The following TRIP12 variants were observed in gnomAD, a reference collection of about 807,000 sequenced individuals.
TRIP12 encodes E3 ubiquitin-protein ligase TRIP12.
In TRIP12, 25 loss-of-function variants were observed where a neutral mutation model predicts 244.2. The ratio of observed to expected loss-of-function variants is 0.10; its 90% CI spans 0.07 to 0.14. TRIP12 has a LOEUF of 0.14. TRIP12 is among the 10% of genes least tolerant of loss of function. TRIP12 has a pLI of 1.00. For missense variants in TRIP12, 1,677 were observed against 2,486.4 expected, an observed-to-expected ratio of 0.67 and a Z score of 6.92; for synonymous variants, 905 against 873.1, an observed-to-expected ratio of 1.04 and a Z score of -0.64.
Position 229,798,870 on chromosome 2 carries a change from T to C in TRIP12, c.3482+5A>G. ...AGAAGAAACATAAAACTCCCCCCAC[T>C]TCACCTATTATTGGAGATGGTATCC... On this transcript the variant is annotated splice_donor_5th_base_variant and intron_variant, in intron 23 of 41. Transcript: ENST00000675903. The C allele has an allele frequency of 6.2e-7, 1 of 1,611,496 alleles. No homozygotes were observed. Among genetic ancestry groups the C allele is most frequent in the Non-Finnish European group, 8.5e-7 (1 of 1,179,300 alleles).
chr2:229,834,349 CATT>C (rs2054208218), intron 6 of TRIP12, among the ~76,000 whole-genome samples: 1 of 152,212 alleles, frequency 6.6e-6, no homozygotes, highest in African/African-American at 2.4e-5. Context: ...ATGAAGCTGA[CATT>C]ATTTTACAAG....
At chr2:229,915,707 A>T (rs202049888) in intron 1 of TRIP12, among the ~76,000 whole-genome samples, 3,057 of 121,400 alleles carry the variant, frequency 0.025, 53 homozygotes, top group African/African-American at 0.065. Context: ...AAAAAAAAAA[A>T]TTTTTTGAGA....
rs113863797 is a variant in TRIP12 at position 229,769,834 on chromosome 2, T to C, written c.5809-509A>G. 3.0e-4 allele frequency among the ~76,000 whole-genome samples: 46 copies of C among 152,312 alleles called. 1 individual carries two copies. The highest frequency in any genetic ancestry group is 1.0e-3 in the African/African-American group (42 of 41,566). On this transcript the variant is annotated intron_variant, in intron 39 of 41. Transcript: ENST00000675903. ...TGTAGAGAGGCATGTCTACGCTACA[T>C]GGTTGGTTGTATGGGGACCAACCCA... is the stretch of plus-strand genomic sequence containing the variant.
chr2:229,836,864 A>G lies in TRIP12; in HGVS notation c.1254T>C (p.Ala418=). ...VNSSAARTDE[A]PQGAAASSSV... ...CCAATCTACCTGCAGCTCCTTGGGG[A>G]GCTTCATCTGTCCGAGCAGCTGAAG... Residue 418 remains alanine, a synonymous_variant, in exon 6 of 42, where the codon GCT becomes GCC. Transcript: ENST00000675903. The G allele has an allele frequency of 6.3e-7, 1 of 1,592,392 alleles. No homozygotes were observed. The highest frequency in any genetic ancestry group is 8.5e-7 in the Non-Finnish European group (1 of 1,173,520).
intron 1 of TRIP12, among the ~76,000 whole-genome samples, chr2:229,897,366 G>T (rs950553129): frequency 8.5e-5 from 13 of 152,200 alleles, no homozygotes; most frequent in Middle Eastern, 3.4e-3. Flanking sequence ...ATAAATAAGG[G>T]GCCAGGTGCA....
chr2:229,835,810 A>G (rs568933692), intron 6 of TRIP12, among the ~76,000 whole-genome samples: 1 of 152,206 alleles, frequency 6.6e-6, no homozygotes, highest in Non-Finnish European at 1.5e-5. Flanking sequence ...ACTGGGAAGG[A>G]GCGTACAGCA....
rs1574762197 is a variant in TRIP12, at chr2:229,773,961, A to G, written c.5694+136T>C. The G allele has an allele frequency of 1.2e-5, 10 of 814,004 alleles. No individual in the cohort carries two copies. In the East Asian group the frequency reaches 2.3e-4, roughly 18 times the overall value. 50.4% of individuals were successfully genotyped at this position (814,004 alleles called of 1,614,324 possible). ...GAGCAAAGAGAAGCTAGTGCCTTGT[A>G]AAGCAGCCTTCATGCAGTGGTCCTG... On this transcript the variant is annotated intron_variant, in intron 38 of 41. Transcript: ENST00000675903.
chr2:229,883,810 G>A (rs1187824023), intron 1 of TRIP12, among the ~76,000 whole-genome samples: 1 of 152,174 alleles, frequency 6.6e-6, no homozygotes, highest in Non-Finnish European at 1.5e-5. Flanking sequence ...TTCATTTTAT[G>A]TGAAAATGTA....
intron 7 of TRIP12, among the ~76,000 whole-genome samples, chr2:229,829,558 T>C (rs1163359234): frequency 6.6e-6 from 1 of 152,232 alleles, no homozygotes; most frequent in East Asian, 1.9e-4. Flanking sequence ...TTGCTCTGTT[T>C]TCTGTATGAC....
chr2:229,898,311 GA>G (rs1268352251), intron 1 of TRIP12, among the ~76,000 whole-genome samples: 1 of 152,172 alleles, frequency 6.6e-6, no homozygotes, highest in Admixed American at 6.5e-5. Flanking sequence ...CTCATTCAGA[GA>G]TTTCCCCCAA....
At chr2:229,872,541 G>A (rs942015788) in intron 2 of TRIP12, among the ~76,000 whole-genome samples, 3 of 152,100 alleles carry the variant, frequency 2.0e-5, no homozygotes, top group African/African-American at 7.2e-5. Flanking sequence ...TCCAGCCTGT[G>A]AGACAGAGCA....
In TRIP12 at chr2:229,769,316, G is replaced by A. The variant is rs772413995; in HGVS notation, c.5818C>T (p.Leu1940Phe). Residue 1940 changes from leucine to phenylalanine, a missense_variant, in exon 40 of 42, where the codon CTC becomes TTC. Around this residue, in one of 11 missense-constraint regions of TRIP12, gnomAD observed 171 missense variants for 388.4 expected, o/e 0.44. Coordinates refer to ENST00000675903, the MANE Select transcript of TRIP12 (RefSeq NM_001348323.3). Reference protein sequence around the residue: ...QYFYPEELDQLLCGSKADTWD... With the variant: ...QYFYPEELDQFLCGSKADTWD... ...GTGTCTGCTTTACTGCCACAAAGGA[G>A]CTGATCCAGCTGTGAGTTTAAATAA... The A allele has an allele frequency of 6.2e-7, 1 of 1,613,996 alleles. No individual in the cohort carries two copies. Among genetic ancestry groups the A allele is most frequent in the South Asian group, 1.1e-5 (1 of 91,072 alleles).
intron 2 of TRIP12, among the ~76,000 whole-genome samples, chr2:229,878,748 A>AT (rs2064171258): frequency 1.3e-5 from 2 of 151,130 alleles, no homozygotes; most frequent in Admixed American, 1.3e-4. Flanking sequence ...GCCCAGCTAA[A>AT]TTTTTTTGTA....
Position 229,774,243 on chromosome 2 carries a change from A to G in TRIP12, c.5548T>C (p.Tyr1850His), listed in dbSNP as rs1247994145. Residue 1850 changes from tyrosine (Y) to histidine (H), a missense_variant, in exon 38 of 42, where the codon TAT (tyrosine) becomes CAT (histidine). Physicochemically the swap from Tyr to His is moderately conservative, Grantham distance 83. Transcript: ENST00000675903. ...TTCATAGTCAAGGTTTCTAATGCAT[A>G]CTGTAGACTCTCTTTGGTCTAAAAA... ...DKSQTKESLQ[Y>H]ALETLTMNGC... is the part of the protein sequence containing the mutation. 1 of 1,613,546 alleles carries G rather than the reference A, an allele frequency of 6.2e-7. No homozygotes were observed. The highest frequency in any genetic ancestry group is 8.5e-7 in the Non-Finnish European group (1 of 1,179,846).
At chr2:229,879,498 G>A (rs932809066) in intron 2 of TRIP12, among the ~76,000 whole-genome samples, 3 of 152,140 alleles carry the variant, frequency 2.0e-5, no homozygotes, top group Non-Finnish European at 4.4e-5. Context: ...AAGACAACTC[G>A]TTCACTAACA....
At chr2:229,794,630 G>C (rs146786682) in intron 26 of TRIP12, among the ~76,000 whole-genome samples, 3,612 of 151,872 alleles carry the variant, frequency 0.024, 66 homozygotes, top group Non-Finnish European at 0.039. Flanking sequence ...CTAGGCCTCC[G>C]GTCAAAATAT....
rs777722184 is a variant in TRIP12, at chr2:229,859,127, T to A, written c.672A>T (p.Ser224=). 1 of 1,614,214 alleles carries A rather than the reference T, an allele frequency of 6.2e-7. No individual in the cohort carries two copies. Among genetic ancestry groups the A allele is most frequent in the East Asian group, 2.2e-5 (1 of 44,888 alleles). ...TACACCCAGCTTTGGCTGAGGTGGC[T>A]GATTTTGAAGCCAGCTTGGTAGGTT... ...SAKPTKLASK[S]ATSAKAGCST... Residue 224 remains serine (S), a synonymous_variant, in exon 4 of 42, where the codon TCA becomes TCT. Transcript: ENST00000675903.
At chr2:229,790,540 A>AGGGGGGAGGGGGGGGGGGGGG (rs2041227701) in intron 30 of TRIP12, among the ~76,000 whole-genome samples, 1 of 101,560 alleles carries the variant, frequency 9.8e-6, no homozygotes, top group African/African-American at 4.5e-5. Flanking sequence ...GAGCAGGGGG[A>AGGGGGGAGGGGGGGGGGGGGG]GGGGGGGGTG....
chr2:229,791,064 C>T, intron 30 of TRIP12, 60 bp downstream of exon 30: 2 of 1,595,086 alleles, frequency 1.3e-6, no homozygotes, highest in South Asian at 2.3e-5. Context: ...CTTTGAAAAT[C>T]ATGAAAATGG....
Sources: allele counts gnomAD v4.1 joint callset (sites outside exome capture counted in the v4.1 genomes callset), GRCh38; gene constraint gnomAD v4.1.1; regional missense constraint gnomAD v4.1.1; transcripts MANE v1.5; gene names NCBI Gene and HGNC (gene_info 2026-07-23, HGNC 2026-07-21).